Variants in MYO16 observed in about 807,000 individuals in gnomAD.
The protein encoded by MYO16 is myosin XVI.
A neutral mutation model predicts 205.3 loss-of-function variants in MYO16; 94 were observed. The observed-to-expected ratio is 0.46, with a 90% CI of 0.39 to 0.54. MYO16 has a LOEUF of 0.54. Ranked by LOEUF, MYO16 falls within the 20% of genes least tolerant of loss-of-function variation. The probability of loss-of-function intolerance (pLI) is 0.00; values close to 1 mark genes in which losing one functional copy is unlikely to be tolerated. For synonymous variants in MYO16, 988 were observed against 954.0 expected, an observed-to-expected ratio of 1.04 and a Z score of -0.66; for missense variants, 2,315 against 2,387.5, an observed-to-expected ratio of 0.97 and a Z score of 0.63.
intron 27 of MYO16, among the ~76,000 whole-genome samples, chr13:109,071,512 A>AT (rs1291741271): frequency 1.3e-5 from 2 of 152,170 alleles, no homozygotes; most frequent in African/African-American, 4.8e-5. Flanking sequence ...TCTGATCATT[A>AT]TGACACTAAA....
At chr13:108,781,228 A>G (rs1886291279) in intron 4 of MYO16, among the ~76,000 whole-genome samples, 1 of 152,220 alleles carries the variant, frequency 6.6e-6, no homozygotes, top group South Asian at 2.1e-4. Context: ...TAATTATTGA[A>G]AACAGTAATG....
At chr13:108,989,563 T>A (rs1884750530) in intron 20 of MYO16, among the ~76,000 whole-genome samples, 1 of 152,146 alleles carries the variant, frequency 6.6e-6, no homozygotes, top group African/African-American at 2.4e-5. Context: ...GTTTTTAGTG[T>A]GGGATATAAA....
intron 27 of MYO16, among the ~76,000 whole-genome samples, chr13:109,061,791 G>A (rs1288749755): frequency 1.3e-5 from 2 of 152,150 alleles, no homozygotes; most frequent in East Asian, 3.9e-4. Flanking sequence ...GCTTCAATTT[G>A]TGAAAAATGC....
intron 9 of MYO16, among the ~76,000 whole-genome samples, chr13:108,826,670 T>G (rs1228134078): frequency 6.6e-6 from 1 of 152,006 alleles, no homozygotes; most frequent in Non-Finnish European, 1.5e-5. Context: ...AAGGGATGCT[T>G]ACAACTGAAC....
intron 7 of MYO16, among the ~76,000 whole-genome samples, chr13:108,808,989 C>T (rs1410138779): frequency 6.6e-6 from 1 of 152,188 alleles, no homozygotes; most frequent in Non-Finnish European, 1.5e-5. Flanking sequence ...GTGTTATTAC[C>T]TGCCTTTACC....
intron 2 of MYO16, among the ~76,000 whole-genome samples, chr13:108,695,217 A>C (rs7982938): frequency 0.83 from 125,871 of 152,180 alleles, 52,340 homozygotes; most frequent in East Asian, 0.98. Context: ...GAGGTAACAT[A>C]CCACCTTCAT....
intron 2 of MYO16, among the ~76,000 whole-genome samples, chr13:108,703,966 C>A (rs544419628): frequency 6.6e-6 from 1 of 152,196 alleles, no homozygotes; most frequent in East Asian, 1.9e-4. Context: ...TTAAGAAGAA[C>A]AAGTTTGGAC....
At chr13:108,850,503 A>G (rs1172741938) in intron 10 of MYO16, among the ~76,000 whole-genome samples, 1 of 152,224 alleles carries the variant, frequency 6.6e-6, no homozygotes, top group African/African-American at 2.4e-5. Flanking sequence ...AATAAAAACC[A>G]TAATGGTCAA....
chr13:109,153,572 G>A (rs375494177), intron 32 of MYO16, among the ~76,000 whole-genome samples: 2 of 152,162 alleles, frequency 1.3e-5, no homozygotes, highest in Admixed American at 1.3e-4. Flanking sequence ...CAGCCTGGCC[G>A]ACATGGTCAA....
In MYO16 at chr13:108,869,667, G is replaced by C. The variant is rs371656824; in HGVS notation, c.1425+3425G>C. On this transcript the variant is annotated intron_variant, in intron 12 of 34. Transcript: ENST00000457511. Reference sequence around the variant, plus strand: ...AATGGCGTGAACCCGGGAGGCGGAGGTTGCAGTGAGCCGAGATCGTGCCAC... The same window carrying C: ...AATGGCGTGAACCCGGGAGGCGGAGCTTGCAGTGAGCCGAGATCGTGCCAC... Among the ~76,000 whole-genome samples, 334 of 142,932 alleles carry C rather than the reference G, an allele frequency of 2.3e-3. 1 individual carries two copies. The highest frequency in any genetic ancestry group is 4.5e-3 in the East Asian group (22 of 4,910). 93.8% of individuals were successfully genotyped at this position (142,932 alleles called of 152,430 possible).
At chr13:109,060,923 G>T (rs1929297) in intron 27 of MYO16, among the ~76,000 whole-genome samples, 75,167 of 151,958 alleles carry the variant, frequency 0.49, 18,609 homozygotes, top group Middle Eastern at 0.55. Context: ...CACCTACATA[G>T]AAAATCTGTT....
chr13:108,717,264 T>A (rs2139561901), intron 3 of MYO16, among the ~76,000 whole-genome samples: 1 of 152,244 alleles, frequency 6.6e-6, no homozygotes, highest in South Asian at 2.1e-4. Flanking sequence ...AACTACTCTT[T>A]CTTTGATCAA....
chr13:108,564,236 T>C, the MYO16 span, among the ~76,000 whole-genome samples: 1 of 150,594 alleles, frequency 6.6e-6, no homozygotes, highest in Non-Finnish European at 1.5e-5. Flanking sequence ...AGTGGCACCA[T>C]CTTGGCTCAC....
the MYO16 span, among the ~76,000 whole-genome samples, chr13:108,548,419 G>T: frequency 7.4e-6 from 1 of 135,040 alleles, no homozygotes; most frequent in African/African-American, 2.6e-5. Flanking sequence ...GTGGTGAGGA[G>T]GATGATGATG....
chr13:108,888,444 C>T lies in MYO16; in HGVS notation c.1626C>T (p.Ala542=), dbSNP rs1880004703. The T allele has an allele frequency of 1.2e-6, 2 of 1,610,550 alleles. No individual in the cohort carries two copies. The highest frequency in any genetic ancestry group is 2.2e-5 in the South Asian group (2 of 90,086). ...IIRHLTCRAG[A]SRATLDSRFK... ...GACACCTCACCTGCAGGGCTGGCGC[C>T]AGCAGGGCCACACTGGATTCCAGAT... The change falls in exon 14 of 35, where the codon GCC becomes GCT. Residue 542 remains alanine, a synonymous_variant. Transcript: ENST00000457511.
rs1473542809 is a variant in MYO16 at position 108,883,144 on chromosome 13, A to C, written c.1511A>C (p.His504Pro). ...TTCTCCTGTGTGGAGAGAGCCTTTC[A>C]CCAGCTCTTCCGGGAACAGCGGCCT... is the stretch of plus-strand genomic sequence containing the variant. ...HLFSCVERAF[H>P]QLFREQRPQC... The change falls in exon 13 of 35, where the codon CAC (histidine) becomes CCC (proline). Residue 504 changes from histidine to proline, a missense_variant. By Grantham distance (77) the His-to-Pro change is moderately conservative. This residue lies in a region of MYO16 where 1,213 missense variants were observed against 1,274.4 expected (regional missense o/e 0.95). Transcript: ENST00000457511. The C allele has an allele frequency of 2.5e-6, 4 of 1,613,818 alleles. No individual in the cohort carries two copies. The highest frequency in any genetic ancestry group is 3.4e-6 in the Non-Finnish European group (4 of 1,179,872).
intron 32 of MYO16, among the ~76,000 whole-genome samples, chr13:109,160,144 G>A (rs1878306282): frequency 6.6e-6 from 1 of 152,198 alleles, no homozygotes; most frequent in African/African-American, 2.4e-5. Flanking sequence ...TCGCCCGGTT[G>A]TGACAACTAA....
At chr13:108,623,339 G>T (rs1470799443) in intron 1 of MYO16, among the ~76,000 whole-genome samples, 1 of 152,096 alleles carries the variant, frequency 6.6e-6, no homozygotes, top group Non-Finnish European at 1.5e-5. Context: ...TCTTTTTCTA[G>T]AACACCTTAA....
At chr13:108,807,050 T>C (rs1887136986) in intron 7 of MYO16, among the ~76,000 whole-genome samples, 1 of 152,210 alleles carries the variant, frequency 6.6e-6, no homozygotes, top group Non-Finnish European at 1.5e-5. Context: ...CTGTAAACAT[T>C]TGTCATAATA....
Sources: gnomAD v4.1 joint callset for allele counts (sites outside exome capture counted in the v4.1 genomes callset) on GRCh38, gnomAD v4.1.1 for gene constraint, gnomAD v4.1.1 regional missense constraint, MANE v1.5 for transcripts, NCBI Gene and HGNC (gene_info 2026-07-23, HGNC 2026-07-21) for gene names.